Variants in MEIS1 observed in about 807,000 individuals in gnomAD.
MEIS1 encodes the protein Meis homeobox 1.
MEIS1 carries 5 observed loss-of-function variants against 50.8 expected under a neutral mutation model. The observed-to-expected ratio is 0.10, with a 90% CI of 0.05 to 0.21. MEIS1 has a LOEUF of 0.21. MEIS1 is among the 10% of genes least tolerant of loss of function. The pLI, the probability that MEIS1 is intolerant of heterozygous loss-of-function variation, is 1.00. For synonymous variants in MEIS1, 176 were observed against 179.3 expected (o/e 0.98, Z 0.15); for missense variants, 318 against 517.3 (o/e 0.61, Z 3.74).
At chr2:66,569,862 T>C (rs1028028523) in intron 12 of MEIS1, 1 of 152,640 alleles carries the variant, frequency 6.6e-6, no homozygotes, top group Admixed American at 6.5e-5. Flanking sequence ...ATAGAGATCA[T>C]TAATGCAATC....
rs551308236 is a variant in MEIS1, at chr2:66,435,558, C to CT, written c.-286dup. 8,443 of 300,430 alleles carry CT rather than the reference C, an allele frequency of 0.028. 2 individuals carry two copies. Among genetic ancestry groups the CT allele is most frequent in the Middle Eastern group, 0.042 (46 of 1,086 alleles). The allele number at this position is 300,430 out of a possible 1,614,324, so 18.6% of individuals were successfully genotyped here. On this transcript the variant is annotated 5_prime_UTR_variant, in exon 1 of 13. Transcript: ENST00000272369. ...TTTTTTTCCTTTTCTTTCTTTCTTT[C>CT]TTTTTTTTTTTTTAAACTGATTTTT...
intron 8 of MEIS1, among the ~76,000 whole-genome samples, chr2:66,518,165 C>T (rs78026399): frequency 5.6e-4 from 85 of 152,244 alleles, no homozygotes; most frequent in African/African-American, 2.0e-3. Context: ...GGAAAACAAT[C>T]GAAAGCAAAA....
At chr2:66,558,807 A>G (rs190932179) in intron 9 of MEIS1, among the ~76,000 whole-genome samples, 1 of 152,256 alleles carries the variant, frequency 6.6e-6, no homozygotes, top group East Asian at 1.9e-4. Flanking sequence ...AGAGAAAGGA[A>G]GGAGCTCAAA....
chr2:66,467,595 C>G (rs1672668830), intron 7 of MEIS1, among the ~76,000 whole-genome samples: 1 of 149,164 alleles, frequency 6.7e-6, no homozygotes, highest in Non-Finnish European at 1.5e-5. Context: ...AGACTCCCAT[C>G]TAGGAAAAGA....
chr2:66,478,676 GCAA>G (rs1672949397), intron 7 of MEIS1, among the ~76,000 whole-genome samples: 3 of 152,164 alleles, frequency 2.0e-5, no homozygotes, highest in Non-Finnish European at 4.4e-5. Context: ...TTTGAATGTA[GCAA>G]CCATGCTGGC....
intron 9 of MEIS1, among the ~76,000 whole-genome samples, chr2:66,563,437 CACAT>C (rs1354207263): frequency 1.3e-5 from 2 of 152,152 alleles, no homozygotes; most frequent in African/African-American, 2.4e-5. Context: ...CAGACACACA[CACAT>C]ACATATAGGA....
At position 66,464,532 on chromosome 2, in the gene MEIS1, G is replaced by T. The variant is rs147661290; in HGVS notation, c.742+312G>T. Reference sequence around the variant, plus strand: ...TCATACCCTGCTATACAAATAAAAAGTATTATTACTACTTGCCCTCAGAGG... The same window carrying T: ...TCATACCCTGCTATACAAATAAAAATTATTATTACTACTTGCCCTCAGAGG... On this transcript the variant is annotated intron_variant, in intron 7 of 12. Coordinates refer to ENST00000272369, the MANE Select transcript of MEIS1 (RefSeq NM_002398.3). 1.5e-3 allele frequency among the ~76,000 whole-genome samples: 235 copies of T among 152,276 alleles called. 1 individual carries two copies. Among genetic ancestry groups the T allele is most frequent in the African/African-American group, 4.7e-3 (194 of 41,558 alleles).
At chr2:66,487,875 T>C (rs1673179571) in intron 7 of MEIS1, among the ~76,000 whole-genome samples, 1 of 152,242 alleles carries the variant, frequency 6.6e-6, no homozygotes, top group Non-Finnish European at 1.5e-5. Flanking sequence ...ATTTTACATA[T>C]AGATTGAAGT....
chr2:66,527,166 T>C (rs550036929), intron 8 of MEIS1, among the ~76,000 whole-genome samples: 1 of 152,342 alleles, frequency 6.6e-6, no homozygotes, highest in Non-Finnish European at 1.5e-5. Flanking sequence ...TATTAATTGT[T>C]ATTTAATAGT....
At chr2:66,516,375 A>G (rs1022102349) in intron 8 of MEIS1, among the ~76,000 whole-genome samples, 1 of 152,110 alleles carries the variant, frequency 6.6e-6, no homozygotes, top group Non-Finnish European at 1.5e-5. Flanking sequence ...GGTGATTCTG[A>G]TGGTGAACTG....
At position 66,442,943 on chromosome 2, in the gene MEIS1, C is replaced by T; in HGVS notation, c.525C>T (p.Ser175=). The change falls in exon 6 of 13, where the codon AGC becomes AGT. Residue 175 remains serine, a synonymous_variant. Coordinates refer to ENST00000272369, the MANE Select transcript of MEIS1 (RefSeq NM_002398.3). ...LCDNFCHRYI[S]CLKGKMPIDL... is the part of the protein sequence containing the mutation. ...ACAATTTCTGCCACCGGTATATTAG[C>T]TGTTTGAAAGGGAAAATGCCTATCG... 1 of 1,597,394 alleles carries T rather than the reference C, an allele frequency of 6.3e-7. No individual in the cohort carries two copies. The highest frequency in any genetic ancestry group is 8.5e-7 in the Non-Finnish European group (1 of 1,175,008).
intron 9 of MEIS1, among the ~76,000 whole-genome samples, chr2:66,560,053 C>T (rs1675173421): frequency 6.6e-6 from 1 of 150,584 alleles, no homozygotes; most frequent in Non-Finnish European, 1.5e-5. Flanking sequence ...GCCTTGGCCT[C>T]CAAAAGTGCT....
intron 7 of MEIS1, among the ~76,000 whole-genome samples, chr2:66,470,721 A>C (rs1219526131): frequency 6.6e-6 from 1 of 152,336 alleles, no homozygotes; most frequent in East Asian, 1.9e-4. Context: ...CGAAAAGTGC[A>C]TTTGAAATTA....
chr2:66,542,479 G>A (rs978239222), intron 8 of MEIS1, among the ~76,000 whole-genome samples: 1 of 152,148 alleles, frequency 6.6e-6, no homozygotes, highest in African/African-American at 2.4e-5. Context: ...GGCTTATATT[G>A]GACAGTTGCC....
chr2:66,541,509 T>C (rs1674651680), intron 8 of MEIS1, among the ~76,000 whole-genome samples: 1 of 152,228 alleles, frequency 6.6e-6, no homozygotes, highest in Non-Finnish European at 1.5e-5. Flanking sequence ...CATTTATAGA[T>C]TCCTACCTGA....
At chr2:66,477,016 G>A (rs533748101) in intron 7 of MEIS1, among the ~76,000 whole-genome samples, 1 of 152,128 alleles carries the variant, frequency 6.6e-6, no homozygotes, top group Non-Finnish European at 1.5e-5. Context: ...AGAGTCTGAG[G>A]TAAGGCCCAA....
intron 7 of MEIS1, chr2:66,508,959 T>C: frequency 4.3e-6 from 2 of 465,910 alleles, no homozygotes; most frequent in South Asian, 3.2e-5. Flanking sequence ...AAGTCACTGC[T>C]GACATTTTAC....
intron 7 of MEIS1, among the ~76,000 whole-genome samples, chr2:66,478,485 G>A (rs898161064): frequency 6.6e-6 from 1 of 152,194 alleles, no homozygotes; most frequent in Admixed American, 6.5e-5. Context: ...TAATCCGTAA[G>A]TTGCATATGG....
intron 7 of MEIS1, among the ~76,000 whole-genome samples, chr2:66,506,897 G>T (rs972566345): frequency 1.3e-5 from 2 of 152,228 alleles, no homozygotes; most frequent in Non-Finnish European, 1.5e-5. Context: ...ACCCAGAGAG[G>T]CCACTGTAAA....
Sources: allele counts gnomAD v4.1 joint callset (sites outside exome capture counted in the v4.1 genomes callset), GRCh38; gene constraint gnomAD v4.1.1; transcripts MANE v1.5; gene names NCBI Gene and HGNC (gene_info 2026-07-23, HGNC 2026-07-21).